Variants in KDM4C observed in about 807,000 individuals in gnomAD.
The protein encoded by KDM4C is lysine-specific demethylase 4C.
A neutral mutation model predicts 129.3 loss-of-function variants in KDM4C; 81 were observed. The observed-to-expected ratio is 0.63, with a 90% CI of 0.52 to 0.75. KDM4C has a LOEUF of 0.75. KDM4C is among the 30% of genes least tolerant of loss of function. The pLI is 0.00. For synonymous variants in KDM4C, 573 were observed against 456.1 expected (o/e 1.26, Z -3.26); for missense variants, 1,457 against 1,304.0 (o/e 1.12, Z -1.81).
intron 17 of KDM4C, among the ~76,000 whole-genome samples, chr9:7,050,060 C>T (rs1829927949): frequency 6.6e-6 from 1 of 152,064 alleles, no homozygotes; most frequent in Non-Finnish European, 1.5e-5. Context: ...TTTCCCACTG[C>T]TCTTTTCCCC....
intron 1 of KDM4C, among the ~76,000 whole-genome samples, chr9:6,788,429 A>C (rs1049812084): frequency 1.3e-5 from 2 of 152,176 alleles, no homozygotes; most frequent in Admixed American, 6.6e-5. Context: ...TGTTTCTACA[A>C]AGGTGATCTG....
intron 8 of KDM4C, among the ~76,000 whole-genome samples, chr9:6,960,826 G>A (rs1457462382): frequency 6.7e-6 from 1 of 149,362 alleles, no homozygotes; most frequent in African/African-American, 2.5e-5. Flanking sequence ...CTTTAGAAAT[G>A]CCTTCAGGCA....
At chr9:7,111,430 A>T (rs1397559372) in intron 18 of KDM4C, among the ~76,000 whole-genome samples, 1 of 152,220 alleles carries the variant, frequency 6.6e-6, no homozygotes, top group African/African-American at 2.4e-5. Context: ...AGCATTTTGG[A>T]TGAGAGATGT....
At position 7,029,710 on chromosome 9, in the gene KDM4C, C is replaced by T. The variant is rs78832560; in HGVS notation, c.2259+13781C>T. ...GGAAATTTGGATGTTTCTTCCAGGA[C>T]CTTTCGGGGACTGAGGGCTGTGGGA... On this transcript the variant is annotated intron_variant, in intron 15 of 21. Coordinates refer to ENST00000381309, the MANE Select transcript of KDM4C (RefSeq NM_015061.6). Among the ~76,000 whole-genome samples, 455 of 152,202 alleles carry T rather than the reference C, an allele frequency of 3.0e-3. 4 individuals carry two copies. The highest frequency in any genetic ancestry group is 9.5e-3 in the African/African-American group (396 of 41,524).
chr9:7,153,570 G>T (rs1036954180), intron 19 of KDM4C, among the ~76,000 whole-genome samples: 1 of 152,174 alleles, frequency 6.6e-6, no homozygotes, highest in African/African-American at 2.4e-5. Flanking sequence ...TGGTTTTGCA[G>T]CTGGGCCTTT....
At position 6,981,040 on chromosome 9, in the gene KDM4C, C is replaced by T. The variant is rs747747923; in HGVS notation, c.1037C>T (p.Thr346Met). Reference sequence around the variant, plus strand: ...AAGGATATATACACCATTGATCACACGAAGCCTACTCCAGCATCCACCCCT... The same window carrying T: ...AAGGATATATACACCATTGATCACATGAAGCCTACTCCAGCATCCACCCCT... ...QGKDIYTIDH[T>M]KPTPASTPEV... Residue 346 changes from threonine (T) to methionine (M), a missense_variant, in exon 9 of 22, where the codon ACG becomes ATG. Physicochemically the swap from Thr to Met is moderately conservative, Grantham distance 81. Coordinates refer to ENST00000381309, the MANE Select transcript of KDM4C (RefSeq NM_015061.6). 3.3e-5 allele frequency: 54 copies of T among 1,613,674 alleles called. No individual in the cohort carries two copies. Among genetic ancestry groups the T allele is most frequent in the East Asian group, 2.0e-4 (9 of 44,878 alleles).
At chr9:6,852,174 G>A (rs574583703) in intron 5 of KDM4C, among the ~76,000 whole-genome samples, 2 of 152,198 alleles carry the variant, frequency 1.3e-5, no homozygotes, top group East Asian at 3.9e-4. Context: ...AAATAATTTT[G>A]AGGTAAACTT....
intron 5 of KDM4C, among the ~76,000 whole-genome samples, chr9:6,854,533 A>AC (rs1839429148): frequency 6.9e-6 from 1 of 145,804 alleles, no homozygotes; most frequent in Non-Finnish European, 1.5e-5. Context: ...CTCAAAAAAA[A>AC]AAAAAAAAAA....
At chr9:7,085,908 C>G (rs1284841280) in intron 17 of KDM4C, among the ~76,000 whole-genome samples, 1 of 151,988 alleles carries the variant, frequency 6.6e-6, no homozygotes, top group African/African-American at 2.4e-5. Flanking sequence ...GTAATCCCAG[C>G]ACTTTGGGAG....
At chr9:7,092,080 GA>G (rs1412253397) in intron 17 of KDM4C, among the ~76,000 whole-genome samples, 1 of 152,204 alleles carries the variant, frequency 6.6e-6, no homozygotes, top group Non-Finnish European at 1.5e-5. Context: ...TTGGCAAACT[GA>G]AAAGAACTGA....
At chr9:6,992,675 G>C (rs1818967536) in intron 12 of KDM4C, among the ~76,000 whole-genome samples, 1 of 152,172 alleles carries the variant, frequency 6.6e-6, no homozygotes, top group Non-Finnish European at 1.5e-5. Flanking sequence ...CATTATCATT[G>C]TTAGATTGTG....
chr9:6,809,704 A>T (rs970871230), intron 3 of KDM4C, among the ~76,000 whole-genome samples: 4 of 152,196 alleles, frequency 2.6e-5, no homozygotes, highest in Non-Finnish European at 5.9e-5. Flanking sequence ...GCTTATTTAA[A>T]ATTTCAAAAA....
At chr9:7,011,625 T>C (rs1822708943) in intron 12 of KDM4C, 73 bp from the exon 13 acceptor site, 2 of 1,345,450 alleles carry the variant, frequency 1.5e-6, no homozygotes, top group Non-Finnish European at 2.1e-6. Flanking sequence ...GGAATGTTTA[T>C]TTCTTTTGTA....
chr9:7,119,455 A>G (rs1472560431), intron 18 of KDM4C, among the ~76,000 whole-genome samples: 1 of 152,196 alleles, frequency 6.6e-6, no homozygotes, highest in African/African-American at 2.4e-5. Flanking sequence ...GTAACTGTCT[A>G]CAATGGAAAT....
chr9:6,741,862 C>G (rs1054642011), intron 1 of KDM4C, among the ~76,000 whole-genome samples: 2 of 151,236 alleles, frequency 1.3e-5, no homozygotes, highest in Non-Finnish European at 2.9e-5. Flanking sequence ...GCCATCATGC[C>G]TGGCCTGTTA....
At chr9:7,073,765 A>C (rs16925288) in intron 17 of KDM4C, among the ~76,000 whole-genome samples, 27,260 of 152,180 alleles carry the variant, frequency 0.18, 2,966 homozygotes, top group South Asian at 0.42. Context: ...TGGTACCATT[A>C]GCCTTGCAGG....
At chr9:6,857,688 C>G (rs897242488) in intron 5 of KDM4C, among the ~76,000 whole-genome samples, 2 of 151,778 alleles carry the variant, frequency 1.3e-5, no homozygotes. Flanking sequence ...AAATTATGAA[C>G]TGGAACTAAT....
chr9:6,925,114 C>A, intron 8 of KDM4C: 1 of 985,400 alleles, frequency 1.0e-6, no homozygotes, highest in Non-Finnish European at 1.2e-6. Flanking sequence ...ATGCATTTTT[C>A]CTCTTTGAAC....
chr9:6,889,940 C>G (rs73405234), intron 7 of KDM4C, among the ~76,000 whole-genome samples: 7 of 152,224 alleles, frequency 4.6e-5, no homozygotes, highest in African/African-American at 1.7e-4. Flanking sequence ...CATGGTAGAT[C>G]GCTGGAGGCA....
Sources: allele counts gnomAD v4.1 joint callset (sites outside exome capture counted in the v4.1 genomes callset), GRCh38; gene constraint gnomAD v4.1.1; transcripts MANE v1.5; gene names NCBI Gene and HGNC (gene_info 2026-07-23, HGNC 2026-07-21).